The following ANO2 variants were observed in gnomAD, a reference collection of about 807,000 sequenced individuals.
The protein encoded by ANO2 is anoctamin-2.
In ANO2, 101 loss-of-function variants were observed where a neutral mutation model predicts 124.2. That is an observed-to-expected ratio of 0.81 (90% CI 0.69 to 0.96). The LOEUF is 0.96. ANO2 is among the 40% of genes least tolerant of loss of function. The pLI is 0.00. For synonymous variants in ANO2, 486 were observed against 482.5 expected, an observed-to-expected ratio of 1.01 and a Z score of -0.09; for missense variants, 1,293 against 1,274.5, an observed-to-expected ratio of 1.01 and a Z score of -0.22.
intron 3 of ANO2, among the ~76,000 whole-genome samples, chr12:5,861,673 G>A (rs550618398): frequency 2.6e-5 from 4 of 152,110 alleles, no homozygotes; most frequent in Admixed American, 6.5e-5. Context: ...GCACATCGGC[G>A]CCCGGGAATG....
At chr12:5,795,043 G>GCCACC (rs199728666) in intron 10 of ANO2, among the ~76,000 whole-genome samples, 3,117 of 152,266 alleles carry the variant, frequency 0.02, 48 homozygotes, top group Middle Eastern at 0.071. Flanking sequence ...AGTTCAGGAG[G>GCCACC]GTGGAAGCAG....
At chr12:5,914,206 G>A (rs11610673) in intron 3 of ANO2, among the ~76,000 whole-genome samples, 34 of 150,622 alleles carry the variant, frequency 2.3e-4, no homozygotes, top group Admixed American at 2.6e-4. Context: ...TCTCAAAAAA[G>A]AAAAAAAGAA....
At chr12:5,663,593 C>A (rs1947554259) in intron 14 of ANO2, among the ~76,000 whole-genome samples, 1 of 152,160 alleles carries the variant, frequency 6.6e-6, no homozygotes, top group Non-Finnish European at 1.5e-5. Flanking sequence ...ACCTGAGACC[C>A]AGGCCCAGGT....
chr12:5,819,330 T>A (rs1247621229), intron 7 of ANO2, among the ~76,000 whole-genome samples: 2 of 152,184 alleles, frequency 1.3e-5, no homozygotes, highest in Non-Finnish European at 2.9e-5. Context: ...TTCTAATTTA[T>A]ATAAACAGAA....
At chr12:5,613,023 G>T in intron 17 of ANO2, 65 bp from the exon 18 acceptor site, 1 of 1,491,976 alleles carries the variant, frequency 6.7e-7, no homozygotes, top group Non-Finnish European at 9.4e-7. Flanking sequence ...TCAAGGACAT[G>T]TCTTCTGAGG....
intron 16 of ANO2, among the ~76,000 whole-genome samples, chr12:5,615,955 G>A (rs747454552): frequency 2.6e-5 from 4 of 152,002 alleles, no homozygotes; most frequent in Non-Finnish European, 4.4e-5. Context: ...CATAGGTCAC[G>A]GGCCCTGGGT....
chr12:5,804,404 T>C (rs1269245608), intron 9 of ANO2, among the ~76,000 whole-genome samples: 1 of 152,106 alleles, frequency 6.6e-6, no homozygotes, highest in Non-Finnish European at 1.5e-5. Context: ...AAACCAGTCT[T>C]CTCTCCTGGC....
At chr12:5,837,381 G>A (rs78976041) in intron 4 of ANO2, among the ~76,000 whole-genome samples, 5,350 of 119,492 alleles carry the variant, frequency 0.045, 123 homozygotes, top group Middle Eastern at 0.056. Flanking sequence ...CACATTGTGC[G>A]TTAGTTACAT....
At position 5,710,482 on chromosome 12, in the gene ANO2, G is replaced by A. The variant is rs183493471; in HGVS notation, c.1545+22038C>T. The stretch of plus-strand genomic sequence containing the variant: ...CAGGCTTGTTAATGTCAGTTGGGAT[G>A]GGGAGACCTCAAAGAATGGAGGCAG... On this transcript the variant is annotated intron_variant, in intron 14 of 24. Transcript: ENST00000682330. 1.8e-3 allele frequency among the ~76,000 whole-genome samples: 273 copies of A among 152,320 alleles called. 4 individuals carry two copies. The highest frequency in any genetic ancestry group is 9.6e-4 in the Non-Finnish European group (65 of 68,022).
At chr12:5,600,343 G>A (rs79568223) in intron 19 of ANO2, among the ~76,000 whole-genome samples, 4,016 of 152,224 alleles carry the variant, frequency 0.026, 161 homozygotes, top group African/African-American at 0.087. Flanking sequence ...AACCCTTTTC[G>A]ACTTTGATCT....
intron 1 of ANO2, 74 bp from the exon 2 acceptor site, chr12:5,922,878 TA>T: frequency 7.3e-7 from 1 of 1,370,950 alleles, no homozygotes; most frequent in Non-Finnish European, 9.5e-7. Context: ...GTACTGAGTG[TA>T]CTCAGACACT....
chr12:5,583,435 C>T (rs1565437634), intron 20 of ANO2, among the ~76,000 whole-genome samples: 2 of 151,940 alleles, frequency 1.3e-5, no homozygotes, highest in South Asian at 2.1e-4. Context: ...GGGCGGATCA[C>T]AAGGTCAGGA....
At chr12:5,577,933 T>C (rs1244039771) in intron 22 of ANO2, 22 bp downstream of exon 22, 2 of 1,610,740 alleles carry the variant, frequency 1.2e-6, no homozygotes, top group Non-Finnish European at 1.7e-6. Context: ...AGAGCGAGTG[T>C]GTCATGAATG....
At chr12:5,857,614 G>A (rs745815623) in intron 3 of ANO2, among the ~76,000 whole-genome samples, 3 of 152,064 alleles carry the variant, frequency 2.0e-5, no homozygotes, top group South Asian at 2.1e-4. Context: ...TGCATTCCTC[G>A]ATGATCAGTG....
chr12:5,682,983 G>T (rs7303565), intron 14 of ANO2, among the ~76,000 whole-genome samples: 4,971 of 152,162 alleles, frequency 0.033, 259 homozygotes, highest in African/African-American at 0.11. Context: ...ATGAGTACTG[G>T]GGACCGTGGA....
chr12:5,883,646 C>T (rs564290466), intron 3 of ANO2, among the ~76,000 whole-genome samples: 8 of 151,902 alleles, frequency 5.3e-5, no homozygotes, highest in African/African-American at 7.3e-5. Flanking sequence ...GGCTCTAGGC[C>T]GGGAGCCCAG....
intron 3 of ANO2, among the ~76,000 whole-genome samples, chr12:5,855,963 G>A (rs968181168): frequency 2.0e-5 from 3 of 152,192 alleles, no homozygotes; most frequent in African/African-American, 4.8e-5. Context: ...GTGTGACATC[G>A]TTCTGACAAA....
intron 14 of ANO2, among the ~76,000 whole-genome samples, chr12:5,729,881 T>C (rs960172458): frequency 1.3e-5 from 2 of 152,094 alleles, no homozygotes; most frequent in Admixed American, 1.3e-4. Context: ...CCTAAAAAAA[T>C]GTTGCGAAGT....
chr12:5,563,223 T>G lies in ANO2; in HGVS notation c.*76A>C. On this transcript the variant is annotated 3_prime_UTR_variant, in exon 25 of 25. Transcript: ENST00000682330. Reference sequence around the variant, plus strand: ...GCCCCTGCAGACAGACAGCACGCCATGTGGGTGTAGGAACATGCTTACGTG... The same window carrying G: ...GCCCCTGCAGACAGACAGCACGCCAGGTGGGTGTAGGAACATGCTTACGTG... The G allele has an allele frequency of 4.0e-6, 6 of 1,495,398 alleles. No homozygotes were observed. The highest frequency in any genetic ancestry group is 5.4e-6 in the Non-Finnish European group (6 of 1,119,986). The allele number at this position is 1,495,398 out of a possible 1,614,324, so 92.6% of individuals were successfully genotyped here.
Sources: gnomAD v4.1 joint callset for allele counts (sites outside exome capture counted in the v4.1 genomes callset) on GRCh38, gnomAD v4.1.1 for gene constraint, MANE v1.5 for transcripts, NCBI Gene and HGNC (gene_info 2026-07-23, HGNC 2026-07-21) for gene names.